WWTR1: variants seen among roughly 807,000 people sequenced by gnomAD.
WWTR1 encodes the protein WW domain containing transcription regulator 1, also known as WW domain-containing transcription regulator protein 1.
Under a neutral mutation model 40.1 loss-of-function variants are expected in WWTR1, and 13 were observed. The ratio of observed to expected loss-of-function variants is 0.32; its 90% CI spans 0.21 to 0.52. The LOEUF is 0.52. Among genes scored for constraint, WWTR1 ranks in the 20% least tolerant of loss-of-function variants. WWTR1 has a pLI of 0.97. For missense variants in WWTR1, 436 were observed against 523.1 expected (o/e 0.83, Z 1.63); for synonymous variants, 230 against 210.1 (o/e 1.09, Z -0.82).
intron 2 of WWTR1, among the ~76,000 whole-genome samples, chr3:149,642,994 C>T (rs767277445): frequency 3.3e-5 from 5 of 152,148 alleles, no homozygotes; most frequent in Non-Finnish European, 5.9e-5. Context: ...TTACAAATCC[C>T]AAATCTGTAA....
chr3:149,635,645 G>A (rs1367722801), intron 2 of WWTR1, among the ~76,000 whole-genome samples: 1 of 151,012 alleles, frequency 6.6e-6, no homozygotes, highest in African/African-American at 2.5e-5. Flanking sequence ...GAAGAAGGAA[G>A]AAGGAGAAGA....
chr3:149,565,869 G>A (rs1290069117), intron 3 of WWTR1, among the ~76,000 whole-genome samples: 2 of 150,922 alleles, frequency 1.3e-5, no homozygotes, highest in African/African-American at 2.4e-5. Flanking sequence ...TGGAGGTTGC[G>A]GTGAGCTGAG....
chr3:149,582,934 A>C (rs180775318), intron 2 of WWTR1, among the ~76,000 whole-genome samples: 112 of 152,236 alleles, frequency 7.4e-4, no homozygotes, highest in African/African-American at 2.5e-3. Flanking sequence ...AGTAGAGAAA[A>C]GATGAGACGC....
rs576481443 is a variant in WWTR1 at position 149,625,144 on chromosome 3, C to T, written c.431+31732G>A. ...TTGGTTTTTTTGGTTTTTTTTGTGA[C>T]GGAGTCTCGCTCTGTTGCCCAGGCT... On this transcript the variant is annotated intron_variant, in intron 2 of 6. Transcript: ENST00000360632. 4.7e-4 allele frequency among the ~76,000 whole-genome samples: 50 copies of T among 106,768 alleles called. 1 individual carries two copies. Among genetic ancestry groups the T allele is most frequent in the East Asian group, 1.5e-3 (5 of 3,328 alleles). 70.0% of individuals were successfully genotyped at this position (106,768 alleles called of 152,430 possible).
At chr3:149,577,493 G>A (rs952669509) in intron 2 of WWTR1, among the ~76,000 whole-genome samples, 1 of 152,090 alleles carries the variant, frequency 6.6e-6, no homozygotes, top group African/African-American at 2.4e-5. Context: ...CTACTTCCCA[G>A]ACAGCCTCCT....
At chr3:149,564,072 T>C (rs907287039) in intron 3 of WWTR1, among the ~76,000 whole-genome samples, 4 of 152,182 alleles carry the variant, frequency 2.6e-5, no homozygotes, top group Non-Finnish European at 5.9e-5. Flanking sequence ...CACAATTTGA[T>C]TGTGGCTCCC....
At chr3:149,671,868 T>C (rs992605922) in intron 1 of WWTR1, among the ~76,000 whole-genome samples, 3 of 152,174 alleles carry the variant, frequency 2.0e-5, no homozygotes, top group Non-Finnish European at 4.4e-5. Context: ...TCCTGTGTTA[T>C]TATGAAGCTG....
chr3:149,540,962 T>C (rs1350393476), intron 4 of WWTR1: 2 of 450,094 alleles, frequency 4.4e-6, no homozygotes, highest in African/African-American at 4.0e-5. Flanking sequence ...TTCATGGAAG[T>C]CAATGTGTAT....
chr3:149,638,844 G>C (rs958559186), intron 2 of WWTR1, among the ~76,000 whole-genome samples: 14 of 152,272 alleles, frequency 9.2e-5, no homozygotes, highest in Admixed American at 5.2e-4. Flanking sequence ...TCAGCCGGCC[G>C]ATGGGGAAAC....
intron 2 of WWTR1, among the ~76,000 whole-genome samples, chr3:149,663,730 A>C (rs1713686106): frequency 6.6e-6 from 1 of 152,106 alleles, no homozygotes; most frequent in Non-Finnish European, 1.5e-5. Context: ...GCTCCTAAGA[A>C]GGCCACAATT....
rs577145662 is a variant in WWTR1 at position 149,617,038 on chromosome 3, G to A, written c.431+39838C>T. On this transcript the variant is annotated intron_variant, in intron 2 of 6. Transcript: ENST00000360632. Reference sequence around the variant, plus strand: ...ACTAATGTAGAAAAAAAATGTCCCTGAAAATCTCCTAACTGCATATTAAGT... The same window carrying A: ...ACTAATGTAGAAAAAAAATGTCCCTAAAAATCTCCTAACTGCATATTAAGT... Among the ~76,000 whole-genome samples, 34 of 152,276 alleles carry A rather than the reference G, an allele frequency of 2.2e-4. 1 individual carries two copies. In the South Asian group the frequency reaches 6.9e-3, roughly 31 times the overall value.
chr3:149,587,890 GC>G (rs1738506012), intron 2 of WWTR1, among the ~76,000 whole-genome samples: 1 of 152,102 alleles, frequency 6.6e-6, no homozygotes, highest in Non-Finnish European at 1.5e-5. Flanking sequence ...AAAACTTACG[GC>G]GGGTTATTCT....
At position 149,657,115 on chromosome 3, in the gene WWTR1, C is replaced by T. The variant is rs1438088493; in HGVS notation, c.192G>A (p.Gln64=). ...KEPDSGSHSR[Q]SSTDSSGGHP... ...GGCCGCCCGACGAGTCGGTGCTGGACTGGCGCGAGTGCGAGCCCGAATCAG... is the reference window on the plus strand; with the variant it reads ...GGCCGCCCGACGAGTCGGTGCTGGATTGGCGCGAGTGCGAGCCCGAATCAG... The change falls in exon 2 of 7, where the codon CAG becomes CAA. Residue 64 remains glutamine, a synonymous_variant. Coordinates refer to ENST00000360632, the MANE Select transcript of WWTR1 (RefSeq NM_015472.6). 6.3e-7 allele frequency: 1 copy of T among 1,585,074 alleles called. No individual in the cohort carries two copies. Among genetic ancestry groups the T allele is most frequent in the Non-Finnish European group, 8.6e-7 (1 of 1,168,160 alleles).
intron 1 of WWTR1, among the ~76,000 whole-genome samples, chr3:149,690,318 T>G (rs142334526): frequency 2.0e-5 from 3 of 151,800 alleles, no homozygotes; most frequent in African/African-American, 7.3e-5. Flanking sequence ...TCAAAAGACA[T>G]AGAGTGGCTG....
upstream of WWTR1, among the ~76,000 whole-genome samples, chr3:149,704,179 T>C (rs1715273608): frequency 6.6e-6 from 1 of 152,126 alleles, no homozygotes; most frequent in African/African-American, 2.4e-5. Flanking sequence ...TAAAGATGGC[T>C]GATTGAACAA....
At chr3:149,610,143 G>A (rs1268551886) in intron 2 of WWTR1, among the ~76,000 whole-genome samples, 1 of 152,146 alleles carries the variant, frequency 6.6e-6, no homozygotes, top group Non-Finnish European at 1.5e-5. Flanking sequence ...AACATCAAAT[G>A]CAAACTGCCA....
chr3:149,695,277 A>AT (rs900754038), intron 1 of WWTR1, among the ~76,000 whole-genome samples: 2 of 152,140 alleles, frequency 1.3e-5, no homozygotes, highest in Non-Finnish European at 2.9e-5. Context: ...GCCAACAATA[A>AT]TTTATTGTAC....
chr3:149,533,210 A>G (rs2107920174), intron 4 of WWTR1, among the ~76,000 whole-genome samples: 1 of 152,340 alleles, frequency 6.6e-6, no homozygotes, highest in Non-Finnish European at 1.5e-5. Flanking sequence ...GAAGCAGGTC[A>G]TCATTGCTTC....
chr3:149,639,581 A>G (rs978077248), intron 2 of WWTR1, among the ~76,000 whole-genome samples: 2 of 152,158 alleles, frequency 1.3e-5, no homozygotes, highest in Admixed American at 6.5e-5. Context: ...GGACAGCTAC[A>G]TTAGTATGTA....
Sources: gnomAD v4.1 joint callset for allele counts (sites outside exome capture counted in the v4.1 genomes callset) on GRCh38, gnomAD v4.1.1 for gene constraint, MANE v1.5 for transcripts, NCBI Gene and HGNC (gene_info 2026-07-23, HGNC 2026-07-21) for gene names.